Variants in LYPLAL1 observed in about 807,000 individuals in gnomAD.
LYPLAL1 encodes lysophospholipase-like protein 1.
Under a neutral mutation model 19.7 loss-of-function variants are expected in LYPLAL1, and 23 were observed. That is an observed-to-expected ratio of 1.17 (90% confidence interval 0.84 to 1.65). LYPLAL1 has a LOEUF of 1.65. LYPLAL1 is among the 40% of genes most tolerant of loss of function. LYPLAL1 has a pLI of 0.00. For missense variants in LYPLAL1, 355 were observed against 279.4 expected (o/e 1.27, Z -1.93); for synonymous variants, 119 against 96.3 (o/e 1.24, Z -1.38).
the LYPLAL1 span, among the ~76,000 whole-genome samples, chr1:219,241,098 ATCTCTCTC>A: frequency 6.4e-4 from 38 of 59,230 alleles, no homozygotes; most frequent in South Asian, 4.7e-3. Flanking sequence ...AATATATATA[ATCTCTCTC>A]TCTCTCTCTC....
At chr1:219,193,759 T>G (rs1401276629) in intron 3 of LYPLAL1, among the ~76,000 whole-genome samples, 1 of 151,836 alleles carries the variant, frequency 6.6e-6, no homozygotes, top group East Asian at 1.9e-4. Flanking sequence ...TTTATTCTGC[T>G]TAATACCTTT....
the LYPLAL1 span, among the ~76,000 whole-genome samples, chr1:219,432,818 C>T: frequency 6.6e-6 from 1 of 152,238 alleles, no homozygotes; most frequent in Non-Finnish European, 1.5e-5. Flanking sequence ...CAGTGAGAAG[C>T]AGGCTCACTA....
At chr1:219,236,987 T>C in the LYPLAL1 span, among the ~76,000 whole-genome samples, 12 of 91,812 alleles carry the variant, frequency 1.3e-4, no homozygotes, top group African/African-American at 4.7e-4. Flanking sequence ...TCAGTTGTTG[T>C]TTTTTTTGTT....
intron 2 of LYPLAL1, among the ~76,000 whole-genome samples, chr1:219,181,107 T>C (rs1191175640): frequency 1.3e-5 from 2 of 152,224 alleles, no homozygotes; most frequent in Non-Finnish European, 2.9e-5. Flanking sequence ...TAATATATTT[T>C]ATTTAACCCA....
At chr1:219,307,896 A>G in the LYPLAL1 span, among the ~76,000 whole-genome samples, 1 of 152,192 alleles carries the variant, frequency 6.6e-6, no homozygotes, top group African/African-American at 2.4e-5. Flanking sequence ...CCCCAGCCAT[A>G]TGGAACTGTA....
the LYPLAL1 span, among the ~76,000 whole-genome samples, chr1:219,387,825 G>A: frequency 3.3e-5 from 5 of 152,106 alleles, no homozygotes; most frequent in African/African-American, 7.2e-5. Flanking sequence ...AATTACCTGT[G>A]AAAATTTATG....
At chr1:219,424,551 A>G in the LYPLAL1 span, among the ~76,000 whole-genome samples, 472 of 152,290 alleles carry the variant, frequency 3.1e-3, 4 homozygotes, top group African/African-American at 0.011. Flanking sequence ...TTGTCAGAGG[A>G]TAGTGAAGAA....
chr1:219,324,005 G>A, the LYPLAL1 span, among the ~76,000 whole-genome samples: 2 of 152,088 alleles, frequency 1.3e-5, no homozygotes, highest in African/African-American at 4.8e-5. Flanking sequence ...CTAGTAAGCC[G>A]ATGCTCTCTT....
chr1:219,198,863 A>G (rs1657831586), intron 3 of LYPLAL1: 1 of 152,142 alleles, frequency 6.6e-6, no homozygotes, highest in African/African-American at 2.4e-5. Flanking sequence ...TGGTTCCCAT[A>G]CCCCACCAAC....
the LYPLAL1 span, among the ~76,000 whole-genome samples, chr1:219,410,856 C>T: frequency 3.9e-5 from 6 of 152,238 alleles, no homozygotes; most frequent in South Asian, 4.1e-4. Context: ...GCGCTGCGCT[C>T]GATTTCTCGC....
the LYPLAL1 span, among the ~76,000 whole-genome samples, chr1:219,238,123 T>TTC: frequency 1.3e-4 from 2 of 15,230 alleles, no homozygotes; most frequent in Admixed American, 3.3e-3. Context: ...GGATCTAAAC[T>TTC]TTTTTTTTTT....
intron 3 of LYPLAL1, among the ~76,000 whole-genome samples, chr1:219,195,075 T>C (rs1281542931): frequency 6.6e-6 from 1 of 152,060 alleles, no homozygotes; most frequent in Non-Finnish European, 1.5e-5. Flanking sequence ...TCACCACTTA[T>C]TACCTACACT....
the LYPLAL1 span, among the ~76,000 whole-genome samples, chr1:219,406,777 T>C: frequency 8.6e-6 from 1 of 116,318 alleles, no homozygotes; most frequent in Non-Finnish European, 1.9e-5. Flanking sequence ...ATCTATATCA[T>C]AAATAGAAAA....
the LYPLAL1 span, among the ~76,000 whole-genome samples, chr1:219,362,394 C>A: frequency 1.3e-5 from 2 of 151,968 alleles, no homozygotes; most frequent in Admixed American, 6.6e-5. Context: ...GTGAGATAAC[C>A]CATGGAAAGA....
At chr1:219,431,355 T>A in the LYPLAL1 span, among the ~76,000 whole-genome samples, 3 of 152,196 alleles carry the variant, frequency 2.0e-5, no homozygotes, top group Admixed American at 1.3e-4. Context: ...CCGATTTGGA[T>A]GAATACAAAG....
rs556868532 is a variant in LYPLAL1, at chr1:219,177,803, A to T, written c.92-1344A>T. On this transcript the variant is annotated intron_variant, in intron 1 of 4. Transcript: ENST00000366928. ...TCAATTCTGTCTTGACACAGCTTCCAGATTGATCCTTTAGAATCATGCCAA... is the reference window on the plus strand; with the variant it reads ...TCAATTCTGTCTTGACACAGCTTCCTGATTGATCCTTTAGAATCATGCCAA... 7.2e-5 allele frequency among the ~76,000 whole-genome samples: 11 copies of T among 152,326 alleles called. No homozygotes were observed. The East Asian group carries it at 1.5e-3, about 21-fold the overall frequency.
chr1:219,325,933 G>A, the LYPLAL1 span, among the ~76,000 whole-genome samples: 1 of 152,064 alleles, frequency 6.6e-6, no homozygotes. Flanking sequence ...AGGTAAAGTA[G>A]GAATCACCTA....
downstream of LYPLAL1, among the ~76,000 whole-genome samples, chr1:219,215,960 A>G (rs1173247394): frequency 6.6e-6 from 1 of 152,112 alleles, no homozygotes; most frequent in Non-Finnish European, 1.5e-5. Context: ...AATTTTTTAT[A>G]TTACCCTTAC....
At chr1:219,241,567 G>A in the LYPLAL1 span, among the ~76,000 whole-genome samples, 1 of 152,066 alleles carries the variant, frequency 6.6e-6, no homozygotes, top group African/African-American at 2.4e-5. Flanking sequence ...CAAAGAATGA[G>A]AGTTAAGACT....
Sources: gnomAD v4.1 joint callset for allele counts (sites outside exome capture counted in the v4.1 genomes callset) on GRCh38, gnomAD v4.1.1 for gene constraint, MANE v1.5 for transcripts, NCBI Gene and HGNC (gene_info 2026-07-23, HGNC 2026-07-21) for gene names.